The following SPECC1 variants were observed in gnomAD, a reference collection of about 807,000 sequenced individuals.
SPECC1 encodes the protein cytospin-B.
SPECC1 carries 62 observed loss-of-function variants against 104.1 expected under a neutral mutation model. The ratio of observed to expected loss-of-function variants is 0.60; its 90% CI spans 0.49 to 0.74. The LOEUF (loss-of-function observed/expected upper bound fraction) is 0.74, where lower values mean the gene tolerates loss of function less well. SPECC1 is among the 30% of genes least tolerant of loss of function. The pLI is 0.00. For synonymous variants in SPECC1, 513 were observed against 501.6 expected, an observed-to-expected ratio of 1.02 and a Z score of -0.30; for missense variants, 1,306 against 1,310.5, an observed-to-expected ratio of 1.00 and a Z score of 0.05.
chr17:20,270,555 G>C (rs528664326), intron 12 of SPECC1, among the ~76,000 whole-genome samples: 4 of 150,172 alleles, frequency 2.7e-5, no homozygotes, highest in Non-Finnish European at 5.9e-5. Context: ...GAAGTTCAAG[G>C]CCTCCGTGAG....
chr17:20,085,702 C>G (rs944344691), intron 1 of SPECC1, among the ~76,000 whole-genome samples: 14 of 152,126 alleles, frequency 9.2e-5, no homozygotes, highest in African/African-American at 3.4e-4. Context: ...CTCAGGAATG[C>G]GAGAACAAAA....
chr17:20,231,373 C>G (rs1386345227), intron 5 of SPECC1, among the ~76,000 whole-genome samples: 4 of 152,208 alleles, frequency 2.6e-5, no homozygotes, highest in Admixed American at 2.6e-4. Flanking sequence ...GTGAAAGCCT[C>G]TATCTCACAG....
rs775937802 is a variant in SPECC1, at chr17:20,205,458, G to A, written c.1409G>A (p.Cys470Tyr). 1 of 1,614,074 alleles carries A rather than the reference G, an allele frequency of 6.2e-7. No homozygotes were observed. Among genetic ancestry groups the A allele is most frequent in the South Asian group, 1.1e-5 (1 of 91,084 alleles). ...EGKIIELEQK[C>Y]TGILEQGRFE... Reference sequence around the variant, plus strand: ...AAAATTATTGAACTGGAGCAGAAGTGCACAGGTATTCTTGAACAGGGCCGC... The same window carrying A: ...AAAATTATTGAACTGGAGCAGAAGTACACAGGTATTCTTGAACAGGGCCGC... Residue 470 changes from cysteine to tyrosine, a missense_variant, in exon 4 of 15, where the codon TGC (cysteine) becomes TAC (tyrosine). Transcript: ENST00000395527.
At chr17:20,092,471 G>T (rs2047443549) in intron 1 of SPECC1, among the ~76,000 whole-genome samples, 2 of 152,118 alleles carry the variant, frequency 1.3e-5, no homozygotes, top group African/African-American at 4.8e-5. Context: ...TTTAATTGCT[G>T]TGAAGTGTCT....
At chr17:20,057,258 G>A (rs111397518) in intron 1 of SPECC1, among the ~76,000 whole-genome samples, 2 of 152,094 alleles carry the variant, frequency 1.3e-5, no homozygotes, top group South Asian at 4.1e-4. Context: ...TGGCTAACAC[G>A]GTGAAACCCC....
chr17:20,051,418 G>T (rs553305626), intron 1 of SPECC1, among the ~76,000 whole-genome samples: 2 of 152,122 alleles, frequency 1.3e-5, no homozygotes, highest in Admixed American at 1.3e-4. Flanking sequence ...CAAGTGATCT[G>T]CCTGCCTCGG....
intron 12 of SPECC1, among the ~76,000 whole-genome samples, chr17:20,279,432 C>G (rs2040689936): frequency 6.6e-6 from 1 of 150,982 alleles, no homozygotes; most frequent in Non-Finnish European, 1.5e-5. Flanking sequence ...AAGCGATTCT[C>G]CTGCCTCAGC....
In SPECC1 at chr17:20,142,992, C is replaced by A. The variant is rs183170652; in HGVS notation, c.283+32430C>A. ...TCTAGCCTTGGTTGACAGAGTGAGA[C>A]CCTGTCTCAAAAAAAATAATAATTG... is the stretch of plus-strand genomic sequence containing the variant. On this transcript the variant is annotated intron_variant, in intron 3 of 14. Coordinates refer to ENST00000395527, the MANE Select transcript of SPECC1 (RefSeq NM_001243439.2). 2.0e-4 allele frequency among the ~76,000 whole-genome samples: 31 copies of A among 151,512 alleles called. No individual in the cohort carries two copies. The East Asian group carries it at 6.0e-3, about 29-fold the overall frequency.
chr17:20,256,673 CA>C (rs2039843321), intron 10 of SPECC1, among the ~76,000 whole-genome samples: 1 of 152,124 alleles, frequency 6.6e-6, no homozygotes, highest in South Asian at 2.1e-4. Context: ...ATAAACTAGA[CA>C]GTCTCGAAAG....
chr17:20,289,219 A>G (rs558398139), intron 12 of SPECC1, among the ~76,000 whole-genome samples: 10 of 152,332 alleles, frequency 6.6e-5, no homozygotes, highest in South Asian at 2.1e-4. Context: ...ACTGGCCCCC[A>G]TGATTCAGTT....
At chr17:20,043,536 A>G (rs756555709) in intron 1 of SPECC1, among the ~76,000 whole-genome samples, 6 of 152,072 alleles carry the variant, frequency 3.9e-5, no homozygotes, top group Admixed American at 1.3e-4. Flanking sequence ...TTTATAATTC[A>G]TTACTGTCAT....
intron 1 of SPECC1, among the ~76,000 whole-genome samples, chr17:20,046,393 C>T (rs1415924663): frequency 1.3e-5 from 2 of 152,092 alleles, no homozygotes; most frequent in African/African-American, 4.8e-5. Context: ...CTGTGCCTAA[C>T]TGGAACTGGT....
At chr17:20,275,618 A>C (rs534636423) in intron 12 of SPECC1, among the ~76,000 whole-genome samples, 2 of 152,354 alleles carry the variant, frequency 1.3e-5, no homozygotes, top group African/African-American at 4.8e-5. Flanking sequence ...ATTTTTGTGA[A>C]AAGTATAAGA....
chr17:20,279,965 C>T (rs991511611), intron 12 of SPECC1, among the ~76,000 whole-genome samples: 3 of 152,098 alleles, frequency 2.0e-5, no homozygotes, highest in Non-Finnish European at 4.4e-5. Flanking sequence ...CCAAAGGGCA[C>T]GTGCTGTGTG....
chr17:20,311,345 G>A (rs1296554901), intron 14 of SPECC1, among the ~76,000 whole-genome samples: 4 of 151,622 alleles, frequency 2.6e-5, no homozygotes, highest in East Asian at 3.9e-4. Context: ...TTTTCATGCC[G>A]TTTAGCACTA....
chr17:20,232,118 C>G, intron 6 of SPECC1, 82 bp from the exon 7 acceptor site: 1 of 1,520,916 alleles, frequency 6.6e-7, no homozygotes, highest in Non-Finnish European at 9.0e-7. Context: ...TTCTTGGTGA[C>G]CAACACGGGG....
At chr17:20,188,477 C>T (rs945893706) in intron 3 of SPECC1, among the ~76,000 whole-genome samples, 2 of 151,984 alleles carry the variant, frequency 1.3e-5, no homozygotes, top group Admixed American at 6.6e-5. Flanking sequence ...AGGCTGATCT[C>T]GAATTCCTGA....
intron 8 of SPECC1, among the ~76,000 whole-genome samples, chr17:20,246,561 C>T (rs1435607250): frequency 6.6e-6 from 1 of 152,226 alleles, no homozygotes; most frequent in Non-Finnish European, 1.5e-5. Flanking sequence ...GCTAATCTGT[C>T]ACTCCTGATC....
At position 20,052,642 on chromosome 17, in the gene SPECC1, A is replaced by G. The variant is rs1048033135; in HGVS notation, c.-22+43218A>G. On this transcript the variant is annotated intron_variant, in intron 1 of 14. Coordinates refer to ENST00000395527, the MANE Select transcript of SPECC1 (RefSeq NM_001243439.2). ...GTCAGGGTCACTGATGGAGATTTCC[A>G]TAGAGGAGGTTCTCAGGCCTAACTG... Among the ~76,000 whole-genome samples the G allele has an allele frequency of 3.9e-5, 6 of 152,340 alleles. No homozygotes were observed. The South Asian group carries it at 6.2e-4, about 16-fold the overall frequency.
Sources: allele counts gnomAD v4.1 joint callset (sites outside exome capture counted in the v4.1 genomes callset), GRCh38; gene constraint gnomAD v4.1.1; transcripts MANE v1.5; gene names NCBI Gene and HGNC (gene_info 2026-07-23, HGNC 2026-07-21).